CCDC68: variants seen among roughly 807,000 people sequenced by gnomAD.
CCDC68 encodes coiled-coil domain containing 68.
A neutral mutation model predicts 47.1 loss-of-function variants in CCDC68; 45 were observed. The ratio of observed to expected loss-of-function variants is 0.96; its 90% CI spans 0.75 to 1.23. CCDC68 has a LOEUF of 1.23. CCDC68 is among the 50% of genes most tolerant of loss of function. The pLI is 0.00. For missense variants in CCDC68, 353 were observed against 373.6 expected, an observed-to-expected ratio of 0.94 and a Z score of 0.45; for synonymous variants, 131 against 129.5, an observed-to-expected ratio of 1.01 and a Z score of -0.08.
chr18:54,952,100 C>A (rs2044628934), intron 1 of CCDC68, among the ~76,000 whole-genome samples: 2 of 152,218 alleles, frequency 1.3e-5, no homozygotes, highest in African/African-American at 4.8e-5. Flanking sequence ...TTGAAAGTGT[C>A]AATTCCCAAG....
Position 54,936,951 on chromosome 18 carries a change from G to C in CCDC68, c.353C>G (p.Ala118Gly). ...AGCTGCTGCTCCTGCTTCTCTGGAG[G>C]CTTGCAGCTAGAAAAAAGGTCACTA... ...ENEVLKIKLQ[A>G]SREAGAAALR... The change falls in exon 6 of 12, where the codon GCC (alanine) becomes GGC (glycine). Residue 118 changes from alanine (A) to glycine (G), a missense_variant. Physicochemically the swap from Ala to Gly is moderately conservative, Grantham distance 60. Transcript: ENST00000591504. 1 of 1,614,050 alleles carries C rather than the reference G, an allele frequency of 6.2e-7. No individual in the cohort carries two copies. Among genetic ancestry groups the C allele is most frequent in the South Asian group, 1.1e-5 (1 of 91,074 alleles).
In CCDC68 at chr18:54,953,549, T is replaced by TAGAGAG. The variant is rs879342365; in HGVS notation, c.-103+5786_-103+5787insCTCTCT. Among the ~76,000 whole-genome samples the TAGAGAG allele has an allele frequency of 9.8e-4, 108 of 110,732 alleles. 1 individual carries two copies. The highest frequency in any genetic ancestry group is 6.8e-3 in the South Asian group (20 of 2,946). 72.6% of individuals were successfully genotyped at this position (110,732 alleles called of 152,430 possible). A position where few individuals can be genotyped will look rare whatever the true frequency, so the allele number is the denominator to read the frequency against. On this transcript the variant is annotated intron_variant, in intron 1 of 11. Coordinates refer to ENST00000591504, the MANE Select transcript of CCDC68 (RefSeq NM_025214.3). The stretch of plus-strand genomic sequence containing the variant: ...ACACACACACACACACATATATATA[T>TAGAGAG]ATAGAGAGAGAGAGATACATAGATA...
intron 7 of CCDC68, among the ~76,000 whole-genome samples, chr18:54,930,330 G>A (rs533712330): frequency 2.0e-5 from 3 of 152,116 alleles, no homozygotes; most frequent in Admixed American, 2.0e-4. Flanking sequence ...TTCCTAAAAT[G>A]GGGATAATAT....
At chr18:54,919,923 G>C (rs2044026156) in intron 8 of CCDC68, among the ~76,000 whole-genome samples, 1 of 151,884 alleles carries the variant, frequency 6.6e-6, no homozygotes, top group African/African-American at 2.4e-5. Flanking sequence ...TCATTCCATA[G>C]GGAAACGGGG....
At chr18:54,910,080 T>C (rs1914265030) in intron 10 of CCDC68, among the ~76,000 whole-genome samples, 1 of 152,170 alleles carries the variant, frequency 6.6e-6, no homozygotes, top group Non-Finnish European at 1.5e-5. Flanking sequence ...TACTGAGCAA[T>C]AGAACAGCTC....
At chr18:54,926,053 C>T (rs569877997) in intron 8 of CCDC68, among the ~76,000 whole-genome samples, 2 of 152,198 alleles carry the variant, frequency 1.3e-5, no homozygotes, top group African/African-American at 4.8e-5. Context: ...ATTTAAGTGG[C>T]AACCATATGC....
intron 1 of CCDC68, among the ~76,000 whole-genome samples, chr18:54,952,811 G>A (rs1284875207): frequency 6.6e-6 from 1 of 152,156 alleles, no homozygotes; most frequent in Non-Finnish European, 1.5e-5. Context: ...TCAGGAGATC[G>A]AGAGCAGACT....
At chr18:54,942,018 A>G (rs771905984) in intron 3 of CCDC68, among the ~76,000 whole-genome samples, 2 of 152,112 alleles carry the variant, frequency 1.3e-5, no homozygotes, top group Non-Finnish European at 2.9e-5. Flanking sequence ...GACTGGTCTC[A>G]AACTCCTGAC....
intron 1 of CCDC68, among the ~76,000 whole-genome samples, chr18:54,958,327 C>T (rs2044747862): frequency 6.6e-6 from 1 of 152,130 alleles, no homozygotes; most frequent in African/African-American, 2.4e-5. Flanking sequence ...AACAACAGCA[C>T]CAATTGTGTC....
At chr18:54,951,921 G>C (rs2044626161) in intron 1 of CCDC68, among the ~76,000 whole-genome samples, 1 of 152,210 alleles carries the variant, frequency 6.6e-6, no homozygotes, top group South Asian at 2.1e-4. Context: ...TTCCTCAACA[G>C]AAAAATTCAG....
chr18:54,920,601 TA>T (rs1216027467), intron 8 of CCDC68, among the ~76,000 whole-genome samples: 1 of 152,216 alleles, frequency 6.6e-6, no homozygotes, highest in Non-Finnish European at 1.5e-5. Flanking sequence ...TATAATGGAC[TA>T]AAACATTGTT....
chr18:54,930,610 C>CCTTCCTTCCCTT lies in CCDC68; in HGVS notation c.601-1729_601-1728insAAGGGAAGGAAG, dbSNP rs1333539681. 2.9e-4 allele frequency among the ~76,000 whole-genome samples: 35 copies of CCTTCCTTCCCTT among 119,998 alleles called. 1 individual carries two copies. Among genetic ancestry groups the CCTTCCTTCCCTT allele is most frequent in the African/African-American group, 1.1e-3 (34 of 30,372 alleles). 78.7% of individuals were successfully genotyped at this position (119,998 alleles called of 152,430 possible). A position where few individuals can be genotyped will look rare whatever the true frequency, so the allele number is the denominator to read the frequency against. On this transcript the variant is annotated intron_variant, in intron 7 of 11. Coordinates refer to ENST00000591504, the MANE Select transcript of CCDC68 (RefSeq NM_025214.3). ...CACTCCCTTCCTTCCTTCCTTCCTT[C>CCTTCCTTCCCTT]CTTCCCTTCCCTTCCCCTCCCTCCC...
intron 5 of CCDC68, chr18:54,937,320 G>A: frequency 6.0e-6 from 1 of 167,210 alleles, no homozygotes. Context: ...ATTAAAAAGT[G>A]TATCTTCCTG....
intron 7 of CCDC68, among the ~76,000 whole-genome samples, chr18:54,931,043 A>C (rs960734186): frequency 5.3e-5 from 8 of 152,002 alleles, no homozygotes; most frequent in African/African-American, 1.9e-4. Context: ...CAAGCGTATG[A>C]TAAGGCTTGG....
chr18:54,936,201 T>C lies in CCDC68; in HGVS notation c.471+632A>G, dbSNP rs919462563. 6.3e-5 allele frequency among the ~76,000 whole-genome samples: 9 copies of C among 142,428 alleles called. No individual in the cohort carries two copies. The South Asian group carries it at 1.5e-3, about 24-fold the overall frequency. 93.4% of individuals were successfully genotyped at this position (142,428 alleles called of 152,430 possible). On this transcript the variant is annotated intron_variant, in intron 6 of 11. Coordinates refer to ENST00000591504, the MANE Select transcript of CCDC68 (RefSeq NM_025214.3). ...TTATATAGATAAATATATATAATTA[T>C]TTATATAGATAAATATATATCTATA... is the stretch of plus-strand genomic sequence containing the variant.
chr18:54,923,278 G>A (rs2044092478), intron 8 of CCDC68, among the ~76,000 whole-genome samples: 1 of 152,048 alleles, frequency 6.6e-6, no homozygotes, highest in South Asian at 2.1e-4. Context: ...AATTTAAAAT[G>A]GTTCTTTTTG....
intron 10 of CCDC68, among the ~76,000 whole-genome samples, chr18:54,909,743 G>C (rs953386751): frequency 1.3e-5 from 2 of 152,248 alleles, no homozygotes; most frequent in African/African-American, 4.8e-5. Flanking sequence ...GCTGCGGCTA[G>C]ACCAGGTGCA....
chr18:54,929,379 TG>T (rs2145491379), intron 7 of CCDC68, among the ~76,000 whole-genome samples: 1 of 152,330 alleles, frequency 6.6e-6, no homozygotes. Context: ...AGGATACAAC[TG>T]CTTTCCAATT....
intron 8 of CCDC68, among the ~76,000 whole-genome samples, chr18:54,926,271 G>T (rs2044143255): frequency 6.6e-6 from 1 of 152,188 alleles, no homozygotes; most frequent in South Asian, 2.1e-4. Context: ...CTGCAGGGCT[G>T]GGGAGGCCTC....
Sources: allele counts gnomAD v4.1 joint callset (sites outside exome capture counted in the v4.1 genomes callset), GRCh38; gene constraint gnomAD v4.1.1; transcripts MANE v1.5; gene names NCBI Gene and HGNC (gene_info 2026-07-23, HGNC 2026-07-21).